The following KCNJ8 variants were observed in gnomAD, a reference collection of about 807,000 sequenced individuals.
KCNJ8 encodes potassium inwardly rectifying channel subfamily J member 8.
In KCNJ8, 13 loss-of-function variants were observed where a neutral mutation model predicts 28.2. The observed-to-expected ratio is 0.46, with a 90% CI of 0.30 to 0.73. KCNJ8 has a LOEUF of 0.73. Among genes scored for constraint, KCNJ8 ranks in the 30% least tolerant of loss-of-function variants. The probability of loss-of-function intolerance (pLI) is 0.07; values close to 1 mark genes in which losing one functional copy is unlikely to be tolerated. For synonymous variants in KCNJ8, 188 were observed against 195.9 expected (o/e 0.96, Z 0.34); for missense variants, 284 against 542.6 (o/e 0.52, Z 4.73).
chr12:21,767,807 G>A (rs1051447157), intron 2 of KCNJ8, among the ~76,000 whole-genome samples: 5 of 152,136 alleles, frequency 3.3e-5, no homozygotes, highest in East Asian at 1.9e-4. Context: ...TAAATTGAAG[G>A]TCTGTGGCAA....
chr12:21,770,012 T>G (rs895246283), intron 2 of KCNJ8, among the ~76,000 whole-genome samples: 5 of 152,226 alleles, frequency 3.3e-5, no homozygotes, highest in Non-Finnish European at 5.9e-5. Flanking sequence ...TTGAGAAGAT[T>G]AGCTCCAGTT....
At chr12:21,770,180 CA>C (rs1940725764) in intron 2 of KCNJ8, among the ~76,000 whole-genome samples, 1 of 152,140 alleles carries the variant, frequency 6.6e-6, no homozygotes, top group Non-Finnish European at 1.5e-5. Flanking sequence ...AACCACTACC[CA>C]GATCAATCAG....
rs754004459 is a variant in KCNJ8, at chr12:21,770,667, C to G, written c.374+2576G>C. ...GGGTAAGATGCTTTTGAAAAGTTCTCAGGGGATTCTGATTTACTCCCATAT... is the reference window on the plus strand; with the variant it reads ...GGGTAAGATGCTTTTGAAAAGTTCTGAGGGGATTCTGATTTACTCCCATAT... On this transcript the variant is annotated intron_variant, in intron 2 of 2. Transcript: ENST00000240662. Among the ~76,000 whole-genome samples the G allele has an allele frequency of 2.0e-5, 3 of 152,184 alleles. No homozygotes were observed. The South Asian group carries it at 6.2e-4, about 32-fold the overall frequency.
At chr12:21,768,610 T>C (rs1335902929) in intron 2 of KCNJ8, among the ~76,000 whole-genome samples, 2 of 152,214 alleles carry the variant, frequency 1.3e-5, no homozygotes, top group African/African-American at 4.8e-5. Context: ...GGCCAAAGTT[T>C]AGGCCTGTTG....
intron 2 of KCNJ8, among the ~76,000 whole-genome samples, chr12:21,771,996 A>G (rs1940768343): frequency 6.6e-6 from 1 of 152,260 alleles, no homozygotes; most frequent in Non-Finnish European, 1.5e-5. Flanking sequence ...ATTAAAAGCA[A>G]TAGATCAATT....
rs892039729 is a variant in KCNJ8, at chr12:21,773,678, C to T, written c.-62G>A. The T allele has an allele frequency of 1.1e-5, 17 of 1,601,178 alleles. No homozygotes were observed. The highest frequency in any genetic ancestry group is 1.4e-5 in the Non-Finnish European group (16 of 1,177,168). On this transcript the variant is annotated 5_prime_UTR_variant, in exon 2 of 3. It adds an upstream start codon to the 5' untranslated region. Coordinates refer to ENST00000240662, the MANE Select transcript of KCNJ8 (RefSeq NM_004982.4). The surrounding 1 kb of genome is among the most constrained non-coding windows in gnomAD (Gnocchi z 4.6). The stretch of plus-strand genomic sequence containing the variant: ...TCACCTGCCTCTCCGTCCCTGGACA[C>T]CCGTCCTCCTGCACGAGGGAAACAT...
chr12:21,765,691 T>C lies in KCNJ8; in HGVS notation c.*32A>G. 1 of 1,604,156 alleles carries C rather than the reference T, an allele frequency of 6.2e-7. No individual in the cohort carries two copies. Among genetic ancestry groups the C allele is most frequent in the Non-Finnish European group, 8.5e-7 (1 of 1,171,062 alleles). Reference sequence around the variant, plus strand: ...GTGCCCAGCATAAACCGTCAAAACTTGATAAAAGACTGTCTTGGGGTTATC... The same window carrying C: ...GTGCCCAGCATAAACCGTCAAAACTCGATAAAAGACTGTCTTGGGGTTATC... On this transcript the variant is annotated 3_prime_UTR_variant, in exon 3 of 3. Transcript: ENST00000240662.
intron 2 of KCNJ8, among the ~76,000 whole-genome samples, chr12:21,771,995 A>C (rs1345413096): frequency 1.3e-5 from 2 of 152,260 alleles, no homozygotes; most frequent in Admixed American, 1.3e-4. Flanking sequence ...TATTAAAAGC[A>C]ATAGATCAAT....
At position 21,773,486 on chromosome 12, in the gene KCNJ8, T is replaced by C; in HGVS notation, c.131A>G (p.Asn44Ser). The change falls in exon 2 of 3, where the codon AAC (asparagine) becomes AGC (serine). Residue 44 changes from asparagine to serine, a missense_variant. Asn to Ser is a conservative substitution (Grantham distance 46, BLOSUM62 1). Around this residue, in one of 8 missense-constraint regions of KCNJ8, gnomAD observed 54 missense variants for 77.5 expected, o/e 0.70. Transcript: ENST00000240662. This position sits in a 1 kb window ranked among gnomAD's most constrained non-coding sequence, Gnocchi z 4.6. ...ARFIAKSGAC[N>S]LAHKNIREQG... Reference sequence around the variant, plus strand: ...CTCACGGATGTTCTTATGCGCCAGGTTGCAGGCCCCGCTCTTGGCGATGAA... The same window carrying C: ...CTCACGGATGTTCTTATGCGCCAGGCTGCAGGCCCCGCTCTTGGCGATGAA... 1.2e-6 allele frequency: 2 copies of C among 1,614,244 alleles called. No homozygotes were observed. Among genetic ancestry groups the C allele is most frequent in the Non-Finnish European group, 1.7e-6 (2 of 1,180,038 alleles).
chr12:21,766,541 G>A lies in KCNJ8; in HGVS notation c.457C>T (p.Pro153Ser). 3 of 1,610,478 alleles carry A rather than the reference G, an allele frequency of 1.9e-6. No homozygotes were observed. The highest frequency in any genetic ancestry group is 1.7e-6 in the Non-Finnish European group (2 of 1,179,792). Reference sequence around the variant, plus strand: ...AGAATCAAAACCGTGATGGCCAAAGGGCATTCCTCTGTCATCATCCTCCCT... The same window carrying A: ...AGAATCAAAACCGTGATGGCCAAAGAGCATTCCTCTGTCATCATCCTCCCT... Reference protein sequence around the residue: ...FGGRMMTEECPLAITVLILQN... With the variant: ...FGGRMMTEECSLAITVLILQN... The change falls in exon 3 of 3, where the codon CCT becomes TCT. Residue 153 changes from proline (P) to serine (S), a missense_variant. By Grantham distance (74) the Pro-to-Ser change is moderately conservative. Coordinates refer to ENST00000240662, the MANE Select transcript of KCNJ8 (RefSeq NM_004982.4). The surrounding 1 kb of genome is among the most constrained non-coding windows in gnomAD (Gnocchi z 6.5).
At chr12:21,768,789 A>C (rs1940693638) in intron 2 of KCNJ8, among the ~76,000 whole-genome samples, 1 of 152,222 alleles carries the variant, frequency 6.6e-6, no homozygotes, top group African/African-American at 2.4e-5. Context: ...ACATTCCCCT[A>C]AGCCAAAGCC....
chr12:21,772,399 A>G (rs2137051238), intron 2 of KCNJ8, among the ~76,000 whole-genome samples: 1 of 152,346 alleles, frequency 6.6e-6, no homozygotes, highest in African/African-American at 2.4e-5. Flanking sequence ...AAACAAAGAA[A>G]TCACCTCAAC....
chr12:21,770,161 A>T (rs1940725212), intron 2 of KCNJ8, among the ~76,000 whole-genome samples: 1 of 152,122 alleles, frequency 6.6e-6, no homozygotes. Context: ...AGCCACCCCA[A>T]CCTTGAGCAA....
chr12:21,769,640 G>A (rs1169687949), intron 2 of KCNJ8, among the ~76,000 whole-genome samples: 1 of 152,174 alleles, frequency 6.6e-6, no homozygotes, highest in Non-Finnish European at 1.5e-5. Flanking sequence ...ATGCCATTAA[G>A]AACATTTGTG....
Position 21,773,790 on chromosome 12 carries a change from C to A in KCNJ8, c.-70-104G>T. The A allele has an allele frequency of 3.8e-6, 3 of 792,994 alleles. No individual in the cohort carries two copies. The highest frequency in any genetic ancestry group is 1.7e-5 in the African/African-American group (1 of 57,452). The allele number at this position is 792,994 out of a possible 1,614,324, so 49.1% of individuals were successfully genotyped here. On this transcript the variant is annotated intron_variant, in intron 1 of 2. Transcript: ENST00000240662. The surrounding 1 kb of genome is among the most constrained non-coding windows in gnomAD (Gnocchi z 4.6). Reference sequence around the variant, plus strand: ...GTCTGTACATGTGCGAGGTGACATGCAAAACCAAAAATGTGATTTTTACTA... The same window carrying A: ...GTCTGTACATGTGCGAGGTGACATGAAAAACCAAAAATGTGATTTTTACTA...
chr12:21,773,834 C>G lies in KCNJ8; in HGVS notation c.-70-148G>C, dbSNP rs560609022. On this transcript the variant is annotated intron_variant, in intron 1 of 2. Transcript: ENST00000240662. This position sits in a 1 kb window ranked among gnomAD's most constrained non-coding sequence, Gnocchi z 4.6. The stretch of plus-strand genomic sequence containing the variant: ...TTTACTAACCCAAACATGAATCTAG[C>G]TTGTGCTTGAGTTCTGGGATCTCAG... The G allele has an allele frequency of 1.6e-6, 1 of 618,476 alleles. No homozygotes were observed. Among genetic ancestry groups the G allele is most frequent in the South Asian group, 2.0e-5 (1 of 50,636 alleles). 38.3% of individuals were successfully genotyped at this position (618,476 alleles called of 1,614,324 possible).
intron 2 of KCNJ8, among the ~76,000 whole-genome samples, chr12:21,768,284 C>A (rs1940681090): frequency 6.6e-6 from 1 of 152,152 alleles, no homozygotes; most frequent in Admixed American, 6.5e-5. Flanking sequence ...TAACAGGCCA[C>A]AGACTAGTAC....
rs1940595677 is a variant in KCNJ8, at chr12:21,765,467, C to CGT, written c.*255_*256insAC. 1 of 522,048 alleles carries CGT rather than the reference C, an allele frequency of 1.9e-6. No homozygotes were observed. The highest frequency in any genetic ancestry group is 3.5e-5 in the East Asian group (1 of 28,754). 32.3% of individuals were successfully genotyped at this position (522,048 alleles called of 1,614,324 possible). A position where few individuals can be genotyped will look rare whatever the true frequency, so the allele number is the denominator to read the frequency against. ...TGTGTTTCAAATTGAGAGAAACGAG[C>CGT]ATACCCACCCCTGCACATAACTTAA... is the stretch of plus-strand genomic sequence containing the variant. On this transcript the variant is annotated 3_prime_UTR_variant, in exon 3 of 3. Coordinates refer to ENST00000240662, the MANE Select transcript of KCNJ8 (RefSeq NM_004982.4).
intron 2 of KCNJ8, among the ~76,000 whole-genome samples, chr12:21,769,309 G>C (rs186084729): frequency 6.6e-6 from 1 of 152,288 alleles, no homozygotes; most frequent in Admixed American, 6.5e-5. Context: ...TCTGCAGCAT[G>C]ATTTATTAAA....
Sources: gnomAD v4.1 joint callset for allele counts (sites outside exome capture counted in the v4.1 genomes callset) on GRCh38, gnomAD v4.1.1 for gene constraint, gnomAD v4.1.1 regional missense constraint, Gnocchi (gnomAD v3.1) non-coding constraint, MANE v1.5 for transcripts, NCBI Gene and HGNC (gene_info 2026-07-23, HGNC 2026-07-21) for gene names.